CLCN6: variants seen among roughly 807,000 people sequenced by gnomAD.
The protein encoded by CLCN6 is Cl-/H+ antiporter 6.
Under a neutral mutation model 109.8 loss-of-function variants are expected in CLCN6, and 70 were observed. The observed-to-expected ratio is 0.64, with a 90% CI of 0.53 to 0.78. The LOEUF is 0.78. Among genes scored for constraint, CLCN6 ranks in the 30% least tolerant of loss-of-function variants. The pLI, the probability that CLCN6 is intolerant of heterozygous loss-of-function variation, is 0.00. For missense variants in CLCN6, 984 were observed against 1,142.3 expected (o/e 0.86, Z 2.00); for synonymous variants, 444 against 447.8 (o/e 0.99, Z 0.11).
chr1:11,824,642 A>G (rs1033044342), intron 8 of CLCN6, 89 bp downstream of exon 8: 14 of 993,964 alleles, frequency 1.4e-5, no homozygotes, highest in Non-Finnish European at 2.1e-5. Context: ...ACACCCTGAC[A>G]TCACATTGGA....
Position 11,816,743 on chromosome 1 carries a change from C to A in CLCN6, c.279+63C>A, listed in dbSNP as rs952049512. The A allele has an allele frequency of 3.2e-6, 4 of 1,237,928 alleles. No individual in the cohort carries two copies. In the African/African-American group the frequency reaches 6.1e-5, roughly 19 times the overall value. The allele number at this position is 1,237,928 out of a possible 1,614,324, so 76.7% of individuals were successfully genotyped here. On this transcript the variant is annotated intron_variant, in intron 4 of 22. Coordinates refer to ENST00000346436, the MANE Select transcript of CLCN6 (RefSeq NM_001286.5). ...GGCTGGAGGGGCTTACAGGGAAAGCCCTGGCCTGGTGAATAACATTGTCAT... is the reference window on the plus strand; with the variant it reads ...GGCTGGAGGGGCTTACAGGGAAAGCACTGGCCTGGTGAATAACATTGTCAT...
chr1:11,832,502 C>T (rs564530096), intron 13 of CLCN6, among the ~76,000 whole-genome samples: 1 of 152,386 alleles, frequency 6.6e-6, no homozygotes, highest in East Asian at 1.9e-4. Flanking sequence ...AACGCTGAGG[C>T]TCTGCACATG....
At chr1:11,809,367 A>G (rs1168669178) in intron 2 of CLCN6, among the ~76,000 whole-genome samples, 1 of 152,132 alleles carries the variant, frequency 6.6e-6, no homozygotes, top group Non-Finnish European at 1.5e-5. Flanking sequence ...ATTGACACCC[A>G]GGCTCCCTCA....
At chr1:11,813,794 C>T (rs12406667) in intron 2 of CLCN6, among the ~76,000 whole-genome samples, 74,033 of 152,050 alleles carry the variant, frequency 0.49, 20,859 homozygotes, top group East Asian at 0.77. Flanking sequence ...CGGATGTTTT[C>T]CCATTATGAA....
Position 11,828,448 on chromosome 1 carries a change from C to G in CLCN6, c.955-10C>G, listed in dbSNP as rs1387823755. 2 of 1,614,052 alleles carry G rather than the reference C, an allele frequency of 1.2e-6. No individual in the cohort carries two copies. Among genetic ancestry groups the G allele is most frequent in the Admixed American group, 1.7e-5 (1 of 60,018 alleles). ...GTTTTTCTCTCCCTCTCCCTTTCCC[C>G]TTCTCTCAGTGCTCTGACTCTGATA... On this transcript the variant is annotated splice_polypyrimidine_tract_variant and intron_variant, in intron 11 of 22. Transcript: ENST00000346436.
rs767783688 is a variant in CLCN6, at chr1:11,836,117, G to A, written c.1944G>A (p.Lys648=). 4 of 1,613,622 alleles carry A rather than the reference G, an allele frequency of 2.5e-6. No individual in the cohort carries two copies. Among genetic ancestry groups the A allele is most frequent in the Admixed American group, 1.7e-5 (1 of 59,792 alleles). ...ENRGNEKEFM[K]GNQLISNNIK... Reference sequence around the variant, plus strand: ...GCGGTAACGAGAAGGAGTTCATGAAGGGCAACCAGCTCATCAGCAACAACA... The same window carrying A: ...GCGGTAACGAGAAGGAGTTCATGAAAGGCAACCAGCTCATCAGCAACAACA... Residue 648 remains lysine, a synonymous_variant, in exon 18 of 23, where the codon AAG becomes AAA. Coordinates refer to ENST00000346436, the MANE Select transcript of CLCN6 (RefSeq NM_001286.5).
At chr1:11,832,029 G>C (rs1644889753) in intron 13 of CLCN6, among the ~76,000 whole-genome samples, 1 of 152,152 alleles carries the variant, frequency 6.6e-6, no homozygotes, top group Admixed American at 6.5e-5. Flanking sequence ...ATAAATGTTT[G>C]GTGTCTTTAT....
chr1:11,806,268 G>A lies in CLCN6; in HGVS notation c.6G>A (p.Ala2=). The A allele has an allele frequency of 6.8e-7, 1 of 1,468,798 alleles. No individual in the cohort carries two copies. The highest frequency in any genetic ancestry group is 9.0e-7 in the Non-Finnish European group (1 of 1,113,972). 91.0% of individuals were successfully genotyped at this position (1,468,798 alleles called of 1,614,324 possible). M[A]GCRGSLCCCC... Reference sequence around the variant, plus strand: ...AGTGGCAGTAAAGGAGGAAGATGGCGGGGTGCAGGGGGTCTCTGTGCTGCT... The same window carrying A: ...AGTGGCAGTAAAGGAGGAAGATGGCAGGGTGCAGGGGGTCTCTGTGCTGCT... Residue 2 remains alanine, a synonymous_variant, in exon 1 of 23, where the codon GCG becomes GCA. Transcript: ENST00000346436.
intron 2 of CLCN6, among the ~76,000 whole-genome samples, chr1:11,813,401 T>C (rs1644628087): frequency 6.6e-6 from 1 of 152,022 alleles, no homozygotes; most frequent in African/African-American, 2.4e-5. Flanking sequence ...GATTTTTTTT[T>C]TTTTTTTGAG....
Position 11,829,061 on chromosome 1 carries a change from C to T in CLCN6, c.1122-135C>T, listed in dbSNP as rs1051261261. On this transcript the variant is annotated intron_variant, in intron 12 of 22. Coordinates refer to ENST00000346436, the MANE Select transcript of CLCN6 (RefSeq NM_001286.5). ...GCAAATCACGGATCAATTCTGCACA[C>T]ATGTTGACTGACCAGGGGCTGCTGT... 8.9e-5 allele frequency: 88 copies of T among 992,220 alleles called. No homozygotes were observed. In the Middle Eastern group the frequency reaches 1.3e-3, roughly 15 times the overall value. The allele number at this position is 992,220 out of a possible 1,614,324, so 61.5% of individuals were successfully genotyped here. A position where few individuals can be genotyped will look rare whatever the true frequency, so the allele number is the denominator to read the frequency against.
chr1:11,837,182 GC>G, intron 19 of CLCN6, 26 bp downstream of exon 19: 1 of 1,610,570 alleles, frequency 6.2e-7, no homozygotes, highest in Non-Finnish European at 8.5e-7. Flanking sequence ...GGCCCCCACT[GC>G]CCGCAGGGCT....
In CLCN6 at chr1:11,834,157, C is replaced by G; in HGVS notation, c.1527-79C>G. Reference sequence around the variant, plus strand: ...ATGCATGCACATATGTGCATAGGCACAAGAGTATGAGCTGTAGGTCCTCCC... The same window carrying G: ...ATGCATGCACATATGTGCATAGGCAGAAGAGTATGAGCTGTAGGTCCTCCC... On this transcript the variant is annotated intron_variant, in intron 15 of 22. Transcript: ENST00000346436. The surrounding 1 kb of genome is among the most constrained non-coding windows in gnomAD (Gnocchi z 4.5). 1 of 1,594,122 alleles carries G rather than the reference C, an allele frequency of 6.3e-7. No homozygotes were observed. The highest frequency in any genetic ancestry group is 1.8e-5 in the Admixed American group (1 of 56,686).
rs193054612 is a variant in CLCN6 at position 11,811,615 on chromosome 1, C to T, written c.148-4231C>T. On this transcript the variant is annotated intron_variant, in intron 2 of 22. Transcript: ENST00000346436. ...CAGGCTGGTCTTGAACTCCTGGCCTCGGGTGATCCGCCCGCCTTGGCCTCC... is the reference window on the plus strand; with the variant it reads ...CAGGCTGGTCTTGAACTCCTGGCCTTGGGTGATCCGCCCGCCTTGGCCTCC... Among the ~76,000 whole-genome samples, 988 of 152,298 alleles carry T rather than the reference C, an allele frequency of 6.5e-3. 6 individuals are homozygous for T. The highest frequency in any genetic ancestry group is 0.011 in the Non-Finnish European group (749 of 68,028).
chr1:11,830,757 A>G (rs1179979981), intron 13 of CLCN6, among the ~76,000 whole-genome samples: 3 of 140,432 alleles, frequency 2.1e-5, no homozygotes, highest in Non-Finnish European at 3.0e-5. Flanking sequence ...ATATATATAT[A>G]TATATATACA....
rs1430887332 is a variant in CLCN6, at chr1:11,833,946, G to T, written c.1442G>T (p.Gly481Val). ...LYFLLACWTY[G>V]ISVPSGLFVP... Reference sequence around the variant, plus strand: ...TTCTTGCTTGCATGTTGGACTTACGGCATTTCTGTTCCAAGTGGCCTTTTT... The same window carrying T: ...TTCTTGCTTGCATGTTGGACTTACGTCATTTCTGTTCCAAGTGGCCTTTTT... Residue 481 changes from glycine to valine, a missense_variant, in exon 15 of 23, where the codon GGC becomes GTC. Gly to Val is a moderately radical substitution (Grantham distance 109). Coordinates refer to ENST00000346436, the MANE Select transcript of CLCN6 (RefSeq NM_001286.5). 6.2e-7 allele frequency: 1 copy of T among 1,614,020 alleles called. No homozygotes were observed. Among genetic ancestry groups the T allele is most frequent in the Non-Finnish European group, 8.5e-7 (1 of 1,180,010 alleles).
At position 11,808,311 on chromosome 1, in the gene CLCN6, C is replaced by G. The variant is rs75926123; in HGVS notation, c.147+1121C>G. Among the ~76,000 whole-genome samples, 88 of 151,314 alleles carry G rather than the reference C, an allele frequency of 5.8e-4. 3 individuals carry two copies. In the East Asian group the frequency reaches 0.016, roughly 28 times the overall value. The stretch of plus-strand genomic sequence containing the variant: ...GTCTCCCTATGTTGCCCAGGCTGTT[C>G]TCGAACTCCTTGACACCAGCGATCC... On this transcript the variant is annotated intron_variant, in intron 2 of 22. Coordinates refer to ENST00000346436, the MANE Select transcript of CLCN6 (RefSeq NM_001286.5).
Position 11,819,555 on chromosome 1 carries a change from G to T in CLCN6, c.346+1G>T. 1 of 1,614,064 alleles carries T rather than the reference G, an allele frequency of 6.2e-7. No individual in the cohort carries two copies. Among genetic ancestry groups the T allele is most frequent in the South Asian group, 1.1e-5 (1 of 91,076 alleles). On this transcript the variant is annotated splice_donor_variant, in intron 5 of 22. Transcript: ENST00000346436. LOFTEE classifies it high-confidence loss of function. ...CTCAAGTTCGGAGTGGTACAGACAT[G>T]TATCCTTTTCACGGTTCCTGGTGTT...
At chr1:11,813,037 T>C (rs895578615) in intron 2 of CLCN6, among the ~76,000 whole-genome samples, 1 of 152,214 alleles carries the variant, frequency 6.6e-6, no homozygotes, top group Admixed American at 6.5e-5. Flanking sequence ...CAAGATGATA[T>C]CTGCTTCCCA....
At chr1:11,811,425 C>G (rs1346664486) in intron 2 of CLCN6, among the ~76,000 whole-genome samples, 1 of 151,676 alleles carries the variant, frequency 6.6e-6, no homozygotes, top group Non-Finnish European at 1.5e-5. Context: ...TCTTGTTGCC[C>G]AGGCAAGAGT....
Sources: allele counts gnomAD v4.1 joint callset (sites outside exome capture counted in the v4.1 genomes callset), GRCh38; gene constraint gnomAD v4.1.1; non-coding constraint Gnocchi (gnomAD v3.1); transcripts MANE v1.5; gene names NCBI Gene and HGNC (gene_info 2026-07-23, HGNC 2026-07-21).